Variants in RABEP1 observed in about 807,000 individuals in gnomAD.
RABEP1 encodes rabaptin, RAB GTPase binding effector protein 1.
Under a neutral mutation model 123.4 loss-of-function variants are expected in RABEP1, and 51 were observed. The observed-to-expected ratio is 0.41, with a 90% CI of 0.33 to 0.52. The LOEUF is 0.52. Among genes scored for constraint, RABEP1 ranks in the 20% least tolerant of loss-of-function variants. The pLI, the probability that RABEP1 is intolerant of heterozygous loss-of-function variation, is 0.16. For missense variants in RABEP1, 888 were observed against 996.3 expected (o/e 0.89, Z 1.46); for synonymous variants, 347 against 355.2 (o/e 0.98, Z 0.26).
rs535538454 is a variant in RABEP1, at chr17:5,341,597, C to A, written c.648+3459C>A. 1.1e-4 allele frequency among the ~76,000 whole-genome samples: 16 copies of A among 152,238 alleles called. 1 individual carries two copies. The South Asian group carries it at 2.7e-3, about 26-fold the overall frequency. On this transcript the variant is annotated intron_variant, in intron 5 of 17. Coordinates refer to ENST00000537505, the MANE Select transcript of RABEP1 (RefSeq NM_004703.6). ...TACAAAAAGAGAGAAAGCTCTCCAA[C>A]TGTTTTTATGAGACTAGTAGATCTT...
At chr17:5,368,195 G>GT (rs1325233963) in intron 11 of RABEP1, among the ~76,000 whole-genome samples, 175 bp from the exon 12 acceptor site, 1 of 152,158 alleles carries the variant, frequency 6.6e-6, no homozygotes, top group Admixed American at 6.5e-5. Flanking sequence ...TGTGTTATCT[G>GT]AAAGGCCAAG....
intron 2 of RABEP1, among the ~76,000 whole-genome samples, chr17:5,322,327 G>A (rs1905451246): frequency 6.6e-6 from 1 of 152,050 alleles, no homozygotes; most frequent in African/African-American, 2.4e-5. Context: ...CACTCTGCAT[G>A]CCAAGTCTGG....
rs1052691497 is a variant in RABEP1, at chr17:5,286,320, C to T, written c.34+3800C>T. Among the ~76,000 whole-genome samples the T allele has an allele frequency of 1.9e-4, 29 of 152,174 alleles. 1 individual carries two copies. The highest frequency in any genetic ancestry group is 1.8e-4 in the Non-Finnish European group (12 of 68,000). ...ACCAGCCTGGCCAATATGGTGAAACCCCATCTCTACTAAAAATACAAAAGT... is the reference window on the plus strand; with the variant it reads ...ACCAGCCTGGCCAATATGGTGAAACTCCATCTCTACTAAAAATACAAAAGT... On this transcript the variant is annotated intron_variant, in intron 1 of 17. Transcript: ENST00000537505.
intron 2 of RABEP1, among the ~76,000 whole-genome samples, chr17:5,331,682 A>G (rs1184997254): frequency 1.3e-5 from 2 of 152,180 alleles, no homozygotes; most frequent in African/African-American, 4.8e-5. Context: ...AACTTAGGCC[A>G]GAGAGATTAA....
intron 13 of RABEP1, among the ~76,000 whole-genome samples, chr17:5,373,948 A>G (rs1910759291): frequency 1.3e-5 from 2 of 152,096 alleles, no homozygotes; most frequent in African/African-American, 4.8e-5. Flanking sequence ...GCCCAGATTG[A>G]GAGTGTGCCA....
chr17:5,368,312 G>T, intron 11 of RABEP1, 58 bp from the exon 12 acceptor site: 1 of 1,170,202 alleles, frequency 8.5e-7, no homozygotes. Flanking sequence ...AGATGGAAGA[G>T]TTAGTTTCAG....
At chr17:5,343,670 C>T (rs1253665314) in intron 5 of RABEP1, among the ~76,000 whole-genome samples, 32 of 99,946 alleles carry the variant, frequency 3.2e-4, no homozygotes, top group African/African-American at 1.0e-3. Flanking sequence ...TTTCTTTTCT[C>T]TTTTTTTTTT....
At chr17:5,294,014 C>T (rs1204774425) in intron 1 of RABEP1, among the ~76,000 whole-genome samples, 2 of 151,924 alleles carry the variant, frequency 1.3e-5, no homozygotes, top group Non-Finnish European at 2.9e-5. Context: ...CCATTGCAGA[C>T]AACTAAGAAA....
At chr17:5,287,069 C>G (rs7221692) in intron 1 of RABEP1, among the ~76,000 whole-genome samples, 93,132 of 152,154 alleles carry the variant, frequency 0.61, 30,195 homozygotes, top group East Asian at 0.96. Flanking sequence ...GGAGGTCAGT[C>G]TGGCTGGAAT....
chr17:5,304,910 CT>C (rs1003969466), intron 1 of RABEP1, among the ~76,000 whole-genome samples: 10 of 152,158 alleles, frequency 6.6e-5, no homozygotes, highest in African/African-American at 2.4e-4. Context: ...TTGATCACTA[CT>C]TTTTTTCTTT....
At chr17:5,344,694 C>T (rs1244166715) in intron 5 of RABEP1, among the ~76,000 whole-genome samples, 1 of 149,050 alleles carries the variant, frequency 6.7e-6, no homozygotes, top group African/African-American at 2.5e-5. Flanking sequence ...ATGGCGTGAA[C>T]CCGGGAGGCG....
At chr17:5,361,949 A>C (rs1392006095) in intron 9 of RABEP1, 1 of 362,932 alleles carries the variant, frequency 2.8e-6, no homozygotes, top group Non-Finnish European at 5.0e-6. Flanking sequence ...AATCTGCCTG[A>C]CTAGCATTGC....
At chr17:5,339,797 C>G in intron 5 of RABEP1, among the ~76,000 whole-genome samples, 1 of 151,482 alleles carries the variant, frequency 6.6e-6, no homozygotes, top group Non-Finnish European at 1.5e-5. Context: ...AGTGAGACTC[C>G]ATCTCAAAAA....
intron 2 of RABEP1, among the ~76,000 whole-genome samples, chr17:5,331,140 C>G (rs1906508251): frequency 7.1e-6 from 1 of 141,650 alleles, no homozygotes; most frequent in Non-Finnish European, 1.5e-5. Context: ...TCTTACAGAT[C>G]AGAAGGAAAA....
At chr17:5,373,476 C>G in intron 13 of RABEP1, 22 bp downstream of exon 13, 2 of 1,576,762 alleles carry the variant, frequency 1.3e-6, no homozygotes, top group Non-Finnish European at 1.7e-6. Context: ...TCCACATGAT[C>G]AAAAATGTCA....
intron 2 of RABEP1, among the ~76,000 whole-genome samples, chr17:5,321,591 C>G (rs1299734011): frequency 1.3e-5 from 2 of 152,160 alleles, no homozygotes; most frequent in African/African-American, 4.8e-5. Flanking sequence ...GCCTGGGTAG[C>G]AGAGCATGAC....
At chr17:5,292,345 A>G (rs979535957) in intron 1 of RABEP1, among the ~76,000 whole-genome samples, 2 of 151,522 alleles carry the variant, frequency 1.3e-5, no homozygotes, top group South Asian at 2.1e-4. Context: ...TTTTGTGTGC[A>G]TTGCCTCATG....
At chr17:5,314,430 T>G (rs989486395) in intron 2 of RABEP1, among the ~76,000 whole-genome samples, 2 of 148,018 alleles carry the variant, frequency 1.4e-5, no homozygotes, top group African/African-American at 5.0e-5. Flanking sequence ...TTTAGTAGAG[T>G]TGGGCTTTCA....
At chr17:5,344,602 C>G (rs1907905146) in intron 5 of RABEP1, among the ~76,000 whole-genome samples, 2 of 151,290 alleles carry the variant, frequency 1.3e-5, no homozygotes, top group South Asian at 2.1e-4. Context: ...GAAACCCGGT[C>G]TCTACTAAAA....
Sources: allele counts gnomAD v4.1 joint callset (sites outside exome capture counted in the v4.1 genomes callset), GRCh38; gene constraint gnomAD v4.1.1; transcripts MANE v1.5; gene names NCBI Gene and HGNC (gene_info 2026-07-23, HGNC 2026-07-21).